SRGN: variants seen among roughly 807,000 people sequenced by gnomAD.
SRGN encodes serglycin.
A neutral mutation model predicts 9.5 loss-of-function variants in SRGN; 2 were observed. The ratio of observed to expected loss-of-function variants is 0.21; its 90% CI spans 0.09 to 0.66. SRGN has a LOEUF of 0.66. Ranked by LOEUF, SRGN falls within the 30% of genes least tolerant of loss-of-function variation. The pLI is 0.83. For missense variants in SRGN, 170 were observed against 192.4 expected (o/e 0.88, Z 0.69); for synonymous variants, 59 against 72.3 (o/e 0.82, Z 0.93).
chr10:69,088,090 A>C, upstream of SRGN: 1 of 1,358,230 alleles, frequency 7.4e-7, no homozygotes, highest in Non-Finnish European at 1.1e-6. Context: ...AAAGGGACAG[A>C]GAGCACCCTG....
chr10:69,094,720 C>T (rs1213614819), intron 1 of SRGN, among the ~76,000 whole-genome samples: 1 of 152,062 alleles, frequency 6.6e-6, no homozygotes, highest in Non-Finnish European at 1.5e-5. Flanking sequence ...TCCTAAGTAG[C>T]TGGGACTGCA....
chr10:69,091,565 T>C (rs1352374484), intron 1 of SRGN, among the ~76,000 whole-genome samples: 1 of 152,084 alleles, frequency 6.6e-6, no homozygotes, highest in Non-Finnish European at 1.5e-5. Context: ...CTAACATGCC[T>C]GCAGTAAGTT....
At chr10:69,095,741 T>A (rs1318102787) in intron 1 of SRGN, among the ~76,000 whole-genome samples, 1 of 151,848 alleles carries the variant, frequency 6.6e-6, no homozygotes, top group Non-Finnish European at 1.5e-5. Context: ...CAAAACCCCA[T>A]CTCTACTAAA....
intron 1 of SRGN, among the ~76,000 whole-genome samples, chr10:69,095,557 C>T (rs1345509692): frequency 6.6e-6 from 1 of 152,054 alleles, no homozygotes; most frequent in Non-Finnish European, 1.5e-5. Context: ...TTTCTCACCA[C>T]CAGGCCTTTG....
At chr10:69,095,032 G>T (rs1158151209) in intron 1 of SRGN, among the ~76,000 whole-genome samples, 1 of 151,852 alleles carries the variant, frequency 6.6e-6, no homozygotes, top group Non-Finnish European at 1.5e-5. Flanking sequence ...TTTCGGCCGG[G>T]TGTGGTGGCT....
chr10:69,088,002 A>T, upstream of SRGN: 72 of 556,268 alleles, frequency 1.3e-4, no homozygotes, highest in Admixed American at 1.8e-4. Context: ...CTGGGTTTTG[A>T]TGTGGATGTC....
At chr10:69,097,395 G>A (rs887403765) in intron 2 of SRGN, among the ~76,000 whole-genome samples, 164 bp downstream of exon 2, 6 of 150,304 alleles carry the variant, frequency 4.0e-5, no homozygotes, top group Non-Finnish European at 7.4e-5. Flanking sequence ...GGAGCAGCTG[G>A]GATTTCAGGC....
chr10:69,095,533 AG>A lies in SRGN; in HGVS notation c.80-1548del, dbSNP rs1316504104. 4.1e-4 allele frequency among the ~76,000 whole-genome samples: 63 copies of A among 152,186 alleles called. 1 individual carries two copies. The highest frequency in any genetic ancestry group is 1.3e-3 in the African/African-American group (56 of 41,544). On this transcript the variant is annotated intron_variant, in intron 1 of 2. Coordinates refer to ENST00000242465, the MANE Select transcript of SRGN (RefSeq NM_002727.4). ...AGTGGGGAGGAGATGAACTTTTTGA[AG>A]GGCGGTGAAGTATTTCTCACCACCA...
chr10:69,104,152 T>C lies in SRGN; in HGVS notation c.*32T>C. The C allele has an allele frequency of 6.2e-7, 1 of 1,604,780 alleles. No individual in the cohort carries two copies. Among genetic ancestry groups the C allele is most frequent in the Non-Finnish European group, 8.5e-7 (1 of 1,173,022 alleles). ...ATTTTCCCACCTTGACACCAGGCAA[T>C]GTAGTTAGCATATTTTATGTACCAT... On this transcript the variant is annotated 3_prime_UTR_variant, in exon 3 of 3. Transcript: ENST00000242465.
Position 69,097,209 on chromosome 10 carries a change from C to G in SRGN, c.205C>G (p.Arg69Gly), listed in dbSNP as rs756175162. 1.2e-6 allele frequency: 2 copies of G among 1,613,592 alleles called. No homozygotes were observed. Among genetic ancestry groups the G allele is most frequent in the Non-Finnish European group, 1.7e-6 (2 of 1,179,738 alleles). ...TCCAGGTGAATCCAACAAGATCCCC[C>G]GTCTGAGGACTGACCTTTTTCCGTA... is the stretch of plus-strand genomic sequence containing the variant. ...LLPGESNKIP[R>G]LRTDLFPKTR... Residue 69 changes from arginine (R) to glycine (G), a missense_variant, in exon 2 of 3, where the codon CGT (arginine) becomes GGT (glycine). By Grantham distance (125) the Arg-to-Gly change is moderately radical (BLOSUM62 -2). Transcript: ENST00000242465.
intron 2 of SRGN, among the ~76,000 whole-genome samples, chr10:69,100,827 T>G (rs1040909236): frequency 6.6e-6 from 1 of 152,038 alleles, no homozygotes; most frequent in African/African-American, 2.4e-5. Context: ...TTTCTTCTCC[T>G]TACTCCCTGC....
intron 2 of SRGN, among the ~76,000 whole-genome samples, chr10:69,101,594 C>A (rs1429502957): frequency 6.6e-6 from 1 of 152,108 alleles, no homozygotes; most frequent in Non-Finnish European, 1.5e-5. Context: ...CCAGTGGTTG[C>A]CCTTCTCTGC....
At chr10:69,092,711 T>C (rs1840089532) in intron 1 of SRGN, among the ~76,000 whole-genome samples, 1 of 151,616 alleles carries the variant, frequency 6.6e-6, no homozygotes, top group African/African-American at 2.4e-5. Flanking sequence ...GGAGAATCAC[T>C]TGAACCTGGG....
In SRGN at chr10:69,104,302, T is replaced by C; in HGVS notation, c.*182T>C. On this transcript the variant is annotated 3_prime_UTR_variant, in exon 3 of 3. Coordinates refer to ENST00000242465, the MANE Select transcript of SRGN (RefSeq NM_002727.4). ...TTAAAGGATTATGCTTTAATGCTGTTATCTATTTTATTGTTCTTGAAAATA... is the reference window on the plus strand; with the variant it reads ...TTAAAGGATTATGCTTTAATGCTGTCATCTATTTTATTGTTCTTGAAAATA... 1.3e-6 allele frequency: 1 copy of C among 781,104 alleles called. No individual in the cohort carries two copies. The highest frequency in any genetic ancestry group is 1.9e-6 in the Non-Finnish European group (1 of 530,388). The allele number at this position is 781,104 out of a possible 1,614,324, so 48.4% of individuals were successfully genotyped here. A position where few individuals can be genotyped will look rare whatever the true frequency, so the allele number is the denominator to read the frequency against.
chr10:69,088,360 G>T, intron 1 of SRGN, 124 bp downstream of exon 1: 1 of 843,544 alleles, frequency 1.2e-6, no homozygotes, highest in East Asian at 2.6e-5. Flanking sequence ...AAAGAAGAAG[G>T]ATTTGGGGTC....
chr10:69,092,893 A>G (rs1840095621), intron 1 of SRGN, among the ~76,000 whole-genome samples: 1 of 152,002 alleles, frequency 6.6e-6, no homozygotes, highest in Non-Finnish European at 1.5e-5. Flanking sequence ...ATCATCCCCC[A>G]AAAGAAAGCC....
intron 2 of SRGN, among the ~76,000 whole-genome samples, chr10:69,098,266 A>G (rs1840218853): frequency 6.6e-6 from 1 of 152,260 alleles, no homozygotes; most frequent in South Asian, 2.1e-4. Flanking sequence ...GTACTGATAC[A>G]TGCTACAACA....
chr10:69,104,029 T>C lies in SRGN; in HGVS notation c.386T>C (p.Phe129Ser), dbSNP rs1252433781. ...DYQLVDESDA[F>S]HDNLRSLDRN... ...CAACTAGTAGACGAAAGTGATGCTT[T>C]CCATGACAACCTTAGGTCTCTTGAC... Residue 129 changes from phenylalanine to serine, a missense_variant, in exon 3 of 3, where the codon TTC becomes TCC. By Grantham distance (155) the Phe-to-Ser change is radical. Transcript: ENST00000242465. 1 of 1,614,230 alleles carries C rather than the reference T, an allele frequency of 6.2e-7. No homozygotes were observed. Among genetic ancestry groups the C allele is most frequent in the South Asian group, 1.1e-5 (1 of 91,090 alleles).
intron 1 of SRGN, among the ~76,000 whole-genome samples, chr10:69,090,524 C>T (rs11815118): frequency 0.19 from 28,655 of 152,084 alleles, 3,323 homozygotes; most frequent in Non-Finnish European, 0.25. Context: ...TTATAGATGG[C>T]GCCTTCTCCC....
Sources: gnomAD v4.1 joint callset for allele counts (sites outside exome capture counted in the v4.1 genomes callset) on GRCh38, gnomAD v4.1.1 for gene constraint, MANE v1.5 for transcripts, NCBI Gene and HGNC (gene_info 2026-07-23, HGNC 2026-07-21) for gene names.